The following LEKR1 variants were observed in gnomAD, a reference collection of about 807,000 sequenced individuals.
The protein encoded by LEKR1 is leucine, glutamate and lysine rich 1, also known as protein LEKR1.
In LEKR1, 59 loss-of-function variants were observed where a neutral mutation model predicts 72.4. The observed-to-expected ratio is 0.82, with a 90% confidence interval of 0.66 to 1.01. The LOEUF (loss-of-function observed/expected upper bound fraction) is 1.01, where lower values mean the gene tolerates loss of function less well. LEKR1 is among the 50% of genes least tolerant of loss of function. The probability of loss-of-function intolerance (pLI) is 0.00; values close to 1 mark genes in which losing one functional copy is unlikely to be tolerated. For missense variants in LEKR1, 728 were observed against 759.2 expected (o/e 0.96, Z 0.48); for synonymous variants, 257 against 263.2 (o/e 0.98, Z 0.23).
At chr3:157,011,179 T>C (rs1219078079) in intron 9 of LEKR1, among the ~76,000 whole-genome samples, 1 of 152,096 alleles carries the variant, frequency 6.6e-6, no homozygotes, top group Non-Finnish European at 1.5e-5. Context: ...CAAAATAATA[T>C]CTTATTACTT....
intron 6 of LEKR1, among the ~76,000 whole-genome samples, chr3:156,963,295 A>C (rs560054892): frequency 2.0e-5 from 3 of 152,324 alleles, no homozygotes; most frequent in Non-Finnish European, 4.4e-5. Context: ...TAAGCAGTGA[A>C]TAGAAAGGAG....
intron 3 of LEKR1, among the ~76,000 whole-genome samples, chr3:156,865,398 T>C (rs1717192341): frequency 1.3e-5 from 2 of 152,106 alleles, no homozygotes; most frequent in Admixed American, 6.6e-5. Context: ...GTGAGATTTG[T>C]ATCTTATATA....
intron 12 of LEKR1, among the ~76,000 whole-genome samples, chr3:157,035,790 T>G (rs1734928637): frequency 6.6e-6 from 1 of 152,148 alleles, no homozygotes; most frequent in Admixed American, 6.5e-5. Flanking sequence ...TCCCAGCTAC[T>G]TGGGAGGCTG....
At chr3:156,901,512 T>C (rs142661270) in intron 3 of LEKR1, among the ~76,000 whole-genome samples, 5 of 152,330 alleles carry the variant, frequency 3.3e-5, no homozygotes, top group East Asian at 1.9e-4. Context: ...ATTCATATTT[T>C]TGAGTGAATG....
chr3:157,042,700 A>T (rs926516881), intron 12 of LEKR1, among the ~76,000 whole-genome samples: 10 of 152,156 alleles, frequency 6.6e-5, no homozygotes, highest in Non-Finnish European at 2.9e-5. Context: ...TTTTAAGAAG[A>T]GCTCTTGTCA....
At chr3:156,936,815 C>T (rs1725756713) in intron 5 of LEKR1, among the ~76,000 whole-genome samples, 1 of 152,198 alleles carries the variant, frequency 6.6e-6, no homozygotes, top group Non-Finnish European at 1.5e-5. Flanking sequence ...CTAAAGTGCA[C>T]ACTTTTACAA....
intron 3 of LEKR1, among the ~76,000 whole-genome samples, chr3:156,914,478 G>T (rs778379672): frequency 2.6e-5 from 4 of 152,104 alleles, no homozygotes; most frequent in Non-Finnish European, 2.9e-5. Context: ...CCATGTCCCT[G>T]CAAAGGACAT....
At chr3:157,029,313 A>C (rs1017056900) in intron 12 of LEKR1, among the ~76,000 whole-genome samples, 1 of 152,170 alleles carries the variant, frequency 6.6e-6, no homozygotes, top group Non-Finnish European at 1.5e-5. Flanking sequence ...ATAAGATAAA[A>C]TATGGAGTAG....
At chr3:156,854,751 G>T (rs1215535993) in intron 3 of LEKR1, among the ~76,000 whole-genome samples, 2 of 150,388 alleles carry the variant, frequency 1.3e-5, no homozygotes, top group Non-Finnish European at 3.0e-5. Context: ...ATGCTGTTTT[G>T]CTATGTTGCC....
intron 3 of LEKR1, among the ~76,000 whole-genome samples, chr3:156,917,511 G>T (rs371459470): frequency 6.6e-6 from 1 of 152,064 alleles, no homozygotes; most frequent in Non-Finnish European, 1.5e-5. Flanking sequence ...GGGGAAGGGT[G>T]GGGGGCCCAC....
At chr3:156,890,616 C>G (rs1004250505) in intron 3 of LEKR1, among the ~76,000 whole-genome samples, 1 of 152,076 alleles carries the variant, frequency 6.6e-6, no homozygotes, top group Non-Finnish European at 1.5e-5. Flanking sequence ...AAAATGCATG[C>G]AGACTTCAGC....
intron 7 of LEKR1, among the ~76,000 whole-genome samples, chr3:156,991,327 GT>G (rs1483136090): frequency 1.3e-5 from 2 of 151,678 alleles, no homozygotes; most frequent in Non-Finnish European, 2.9e-5. Flanking sequence ...TTATATAATT[GT>G]TTTATGCTCT....
In LEKR1 at chr3:157,045,578, T is replaced by C. The variant is rs139570512; in HGVS notation, c.1907T>C (p.Leu636Pro). 9 of 1,613,980 alleles carry C rather than the reference T, an allele frequency of 5.6e-6. No individual in the cohort carries two copies. The highest frequency in any genetic ancestry group is 1.6e-4 in the Middle Eastern group (1 of 6,084). The change falls in exon 13 of 13, where the codon CTG becomes CCG. Residue 636 changes from leucine to proline, a missense_variant. Leu to Pro is a moderately conservative substitution (Grantham distance 98). Transcript: ENST00000356539. ...NSEKGIQIPN[L>P]RGVSKPTTFP... ...GAAAAAGGAATCCAAATTCCCAACC[T>C]GCGCGGGGTGTCAAAACCCACCACT...
chr3:156,885,777 A>T (rs568260867), intron 3 of LEKR1, among the ~76,000 whole-genome samples: 4,847 of 152,288 alleles, frequency 0.032, 116 homozygotes, highest in Non-Finnish European at 0.047. Flanking sequence ...ACATGGATAC[A>T]CTCAGGACCT....
At chr3:156,860,304 T>A (rs1442903335) in intron 3 of LEKR1, among the ~76,000 whole-genome samples, 1 of 152,206 alleles carries the variant, frequency 6.6e-6, no homozygotes, top group Non-Finnish European at 1.5e-5. Flanking sequence ...ATAAAATGCA[T>A]CTCTAAGTGG....
intron 10 of LEKR1, among the ~76,000 whole-genome samples, chr3:157,023,575 A>G (rs1285728662): frequency 1.3e-5 from 2 of 152,118 alleles, no homozygotes; most frequent in African/African-American, 2.4e-5. Context: ...ATTCCTACTC[A>G]TGTTAGAGCT....
chr3:156,976,812 G>C (rs1576932976), intron 6 of LEKR1, among the ~76,000 whole-genome samples: 1 of 152,168 alleles, frequency 6.6e-6, no homozygotes, highest in Non-Finnish European at 1.5e-5. Context: ...CTAACTAGCT[G>C]AGTGACCTTG....
At chr3:156,860,919 T>C (rs1716689359) in intron 3 of LEKR1, among the ~76,000 whole-genome samples, 2 of 152,152 alleles carry the variant, frequency 1.3e-5, no homozygotes, top group Admixed American at 6.6e-5. Context: ...TCACCAGATA[T>C]CATGTTTAAT....
At chr3:157,011,013 A>T (rs565987022) in intron 9 of LEKR1, among the ~76,000 whole-genome samples, 82 of 152,214 alleles carry the variant, frequency 5.4e-4, no homozygotes, top group Middle Eastern at 3.4e-3. Context: ...TTCCTTTTTT[A>T]AAGAAACCAA....
Sources: gnomAD v4.1 joint callset for allele counts (sites outside exome capture counted in the v4.1 genomes callset) on GRCh38, gnomAD v4.1.1 for gene constraint, MANE v1.5 for transcripts, NCBI Gene and HGNC (gene_info 2026-07-23, HGNC 2026-07-21) for gene names.